Variants in ZEB1 observed in about 807,000 individuals in gnomAD.
ZEB1 encodes zinc finger E-box binding homeobox 1, also known as zinc finger E-box-binding homeobox 1.
ZEB1 carries 21 observed loss-of-function variants against 84.9 expected under a neutral mutation model. The ratio of observed to expected loss-of-function variants is 0.25; its 90% confidence interval spans 0.18 to 0.36. The LOEUF (loss-of-function observed/expected upper bound fraction) is 0.36, where lower values mean the gene tolerates loss of function less well. Among genes scored for constraint, ZEB1 ranks in the 10% least tolerant of loss-of-function variants. ZEB1 has a pLI of 1.00. For synonymous variants in ZEB1, 420 were observed against 471.1 expected, an observed-to-expected ratio of 0.89 and a Z score of 1.41; for missense variants, 1,104 against 1,330.2, an observed-to-expected ratio of 0.83 and a Z score of 2.65.
chr10:31,445,257 A>G (rs1408024080), intron 1 of ZEB1, among the ~76,000 whole-genome samples: 1,526 of 149,194 alleles, frequency 0.01, 12 homozygotes, highest in South Asian at 0.018. Context: ...ATTTTTGTAC[A>G]TTGATTTTGT....
At position 31,520,756 on chromosome 10, in the gene ZEB1, T is replaced by G. The variant is rs199595565; in HGVS notation, c.1424T>G (p.Ile475Ser). ...LVDQDGTTKI[I>S]INYSLEQPSQ... ...GATCAAGATGGAACAACCAAAATTA[T>G]CATCAACTACAGTCTTGAGCAGCCT... The change falls in exon 7 of 9, where the codon ATC (isoleucine) becomes AGC (serine). Residue 475 changes from isoleucine (I) to serine (S), a missense_variant. By Grantham distance (142) the Ile-to-Ser change is moderately radical. Coordinates refer to ENST00000424869, the MANE Select transcript of ZEB1 (RefSeq NM_001174096.2). This position sits in a 1 kb window ranked among gnomAD's most constrained non-coding sequence, Gnocchi z 5.1. 1 of 1,613,960 alleles carries G rather than the reference T, an allele frequency of 6.2e-7. No individual in the cohort carries two copies. Among genetic ancestry groups the G allele is most frequent in the African/African-American group, 1.3e-5 (1 of 74,920 alleles).
chr10:31,432,503 G>A (rs2057834835), intron 1 of ZEB1, among the ~76,000 whole-genome samples: 1 of 152,128 alleles, frequency 6.6e-6, no homozygotes, highest in African/African-American at 2.4e-5. Flanking sequence ...GAAGGAGGAT[G>A]TCTTGAGCCT....
Position 31,526,845 on chromosome 10 carries a change from T to G in ZEB1, c.2959T>G (p.Cys987Gly). 6.2e-7 allele frequency: 1 copy of G among 1,614,088 alleles called. No individual in the cohort carries two copies. Residue 987 changes from cysteine (C) to glycine (G), a missense_variant, in exon 9 of 9, where the codon TGT becomes GGT. Around this residue, in one of 7 missense-constraint regions of ZEB1, gnomAD observed 173 missense variants for 167.0 expected, o/e 1.04. Transcript: ENST00000424869. ...SQHMNHRYSYCKREAEERDST... is the reference protein window; with the variant it reads ...SQHMNHRYSYGKREAEERDST... ...ACACATGAATCATCGCTACTCCTACTGTAAGAGAGAAGCGGAAGAACGTGA... is the reference window on the plus strand; with the variant it reads ...ACACATGAATCATCGCTACTCCTACGGTAAGAGAGAAGCGGAAGAACGTGA...
At chr10:31,427,831 C>T (rs998371755) in intron 1 of ZEB1, among the ~76,000 whole-genome samples, 9 of 151,094 alleles carry the variant, frequency 6.0e-5, no homozygotes, top group Admixed American at 3.3e-4. Context: ...TGCACTCCAG[C>T]CTGGGCAACT....
At chr10:31,524,619 CTGTTTTTT>C (rs2073063653) in intron 8 of ZEB1, among the ~76,000 whole-genome samples, 1 of 152,090 alleles carries the variant, frequency 6.6e-6, no homozygotes, top group Admixed American at 6.5e-5. Context: ...TTTGCTTCAT[CTGTTTTTT>C]TGTTTTTTTC....
intron 1 of ZEB1, among the ~76,000 whole-genome samples, chr10:31,396,152 T>A (rs2050680392): frequency 1.3e-5 from 2 of 152,204 alleles, no homozygotes; most frequent in African/African-American, 2.4e-5. Flanking sequence ...TAATTCAGGT[T>A]TACATTGAGC....
intron 1 of ZEB1, among the ~76,000 whole-genome samples, chr10:31,442,278 A>T (rs1192815385): frequency 6.6e-6 from 1 of 152,168 alleles, no homozygotes; most frequent in Non-Finnish European, 1.5e-5. Context: ...TGAAGCTGGA[A>T]ACCATCATTC....
chr10:31,406,199 G>GTATA, intron 1 of ZEB1, among the ~76,000 whole-genome samples: 1 of 152,186 alleles, frequency 6.6e-6, no homozygotes, highest in Admixed American at 6.5e-5. Flanking sequence ...AATCCTTTGG[G>GTATA]TATATACTCA....
chr10:31,474,008 T>C (rs1272618535), intron 2 of ZEB1, among the ~76,000 whole-genome samples: 1 of 152,232 alleles, frequency 6.6e-6, no homozygotes, highest in Non-Finnish European at 1.5e-5. Context: ...GCTAGCCATA[T>C]GTACAAAGCT....
rs528556773 is a variant in ZEB1 at position 31,433,501 on chromosome 10, G to C, written c.59-27536G>C. The stretch of plus-strand genomic sequence containing the variant: ...AAACCTGAATAACCATTGTTTGTCA[G>C]TTGGTTATTCTTTCAAGTTAAATAG... On this transcript the variant is annotated intron_variant, in intron 1 of 8. Coordinates refer to ENST00000424869, the MANE Select transcript of ZEB1 (RefSeq NM_001174096.2). Among the ~76,000 whole-genome samples, 12 of 152,292 alleles carry C rather than the reference G, an allele frequency of 7.9e-5. No individual in the cohort carries two copies. In the East Asian group the frequency reaches 2.3e-3, roughly 29 times the overall value.
chr10:31,405,549 G>A (rs193279421), intron 1 of ZEB1, among the ~76,000 whole-genome samples: 1 of 151,864 alleles, frequency 6.6e-6, no homozygotes, highest in African/African-American at 2.4e-5. Context: ...CCTTTATAGT[G>A]CTTGTAAACT....
At chr10:31,400,742 A>G (rs1249470934) in intron 1 of ZEB1, among the ~76,000 whole-genome samples, 1 of 152,126 alleles carries the variant, frequency 6.6e-6, no homozygotes, top group Non-Finnish European at 1.5e-5. Flanking sequence ...TTCATCTTCA[A>G]AAAGCATGGA....
intron 1 of ZEB1, among the ~76,000 whole-genome samples, chr10:31,372,076 A>T (rs1169852927): frequency 1.3e-5 from 2 of 152,100 alleles, no homozygotes; most frequent in African/African-American, 4.8e-5. Flanking sequence ...GGTGTGTGTA[A>T]TGTTTATAAC....
chr10:31,523,864 G>A, intron 7 of ZEB1, 69 bp from the exon 8 acceptor site: 1 of 1,534,132 alleles, frequency 6.5e-7, no homozygotes, highest in Non-Finnish European at 9.0e-7. Flanking sequence ...TTTATCTCAT[G>A]CTTTTATGTA....
chr10:31,348,456 C>G (rs892686819), intron 1 of ZEB1, among the ~76,000 whole-genome samples: 2 of 151,958 alleles, frequency 1.3e-5, no homozygotes, highest in Non-Finnish European at 2.9e-5. Flanking sequence ...CCCAGCTACT[C>G]AGGAGGCTGA....
At chr10:31,430,069 A>AT (rs1290105173) in intron 1 of ZEB1, among the ~76,000 whole-genome samples, 1 of 152,194 alleles carries the variant, frequency 6.6e-6, no homozygotes, top group Non-Finnish European at 1.5e-5. Flanking sequence ...TGAGGGAAGG[A>AT]TTGATATAAG....
chr10:31,423,499 T>G (rs1007624074), intron 1 of ZEB1, among the ~76,000 whole-genome samples: 1 of 152,158 alleles, frequency 6.6e-6, no homozygotes, highest in Admixed American at 6.6e-5. Flanking sequence ...CAACTTCTTT[T>G]CTATTTTCAA....
At chr10:31,363,152 G>C in intron 1 of ZEB1, 2 of 1,533,920 alleles carry the variant, frequency 1.3e-6, no homozygotes, top group Non-Finnish European at 1.7e-6. Context: ...TCCTTGGGCT[G>C]CATGTCCTCC....
At chr10:31,508,915 C>CTGACAAA (rs1239229192) in intron 4 of ZEB1, among the ~76,000 whole-genome samples, 1 of 152,100 alleles carries the variant, frequency 6.6e-6, no homozygotes, top group African/African-American at 2.4e-5. Context: ...AAATTAGGGT[C>CTGACAAA]GCTGCCAGTG....
Sources: gnomAD v4.1 joint callset for allele counts (sites outside exome capture counted in the v4.1 genomes callset) on GRCh38, gnomAD v4.1.1 for gene constraint, gnomAD v4.1.1 regional missense constraint, Gnocchi (gnomAD v3.1) non-coding constraint, MANE v1.5 for transcripts, NCBI Gene and HGNC (gene_info 2026-07-23, HGNC 2026-07-21) for gene names.